Variants in SRL observed in about 807,000 individuals in gnomAD.
The protein encoded by SRL is sarcalumenin.
In SRL, 23 loss-of-function variants were observed where a neutral mutation model predicts 39.5. That is an observed-to-expected ratio of 0.58 (90% CI 0.42 to 0.82). The LOEUF (loss-of-function observed/expected upper bound fraction) is 0.82. Among genes scored for constraint, SRL ranks in the 40% least tolerant of loss-of-function variants. The probability of loss-of-function intolerance (pLI) is 0.00; values close to 1 mark genes in which losing one functional copy is unlikely to be tolerated. For missense variants in SRL, 592 were observed against 607.8 expected (o/e 0.97, Z 0.27); for synonymous variants, 272 against 237.4 (o/e 1.15, Z -1.34).
chr16:4,231,446 G>A (rs1399715197), intron 1 of SRL, among the ~76,000 whole-genome samples: 1 of 152,148 alleles, frequency 6.6e-6, no homozygotes, highest in African/African-American at 2.4e-5. Context: ...ATTTAACACT[G>A]AGCCAATCGT....
intron 1 of SRL, among the ~76,000 whole-genome samples, chr16:4,239,922 T>C (rs548348374): frequency 1.5e-4 from 22 of 151,138 alleles, no homozygotes; most frequent in African/African-American, 4.9e-4. Flanking sequence ...CAGCAGCAGG[T>C]CGGGAGGTGG....
chr16:4,192,746 C>A lies in SRL; in HGVS notation c.829G>T (p.Ala277Ser). The A allele has an allele frequency of 6.2e-7, 1 of 1,614,088 alleles. No individual in the cohort carries two copies. The highest frequency in any genetic ancestry group is 8.5e-7 in the Non-Finnish European group (1 of 1,180,014). ...RVYGALFWSL[A>S]PLINVTEPPR... ...GGCTCTGTGACATTGATGAGAGGGG[C>A]CAAGCTCCAGAAGAGGGCCCCGTAA... Residue 277 changes from alanine (A) to serine (S), a missense_variant, in exon 6 of 6, where the codon GCC (alanine) becomes TCC (serine). Transcript: ENST00000399609. This position sits in a 1 kb window ranked among gnomAD's most constrained non-coding sequence, Gnocchi z 4.0.
chr16:4,192,063 T>A lies in SRL; in HGVS notation c.*90A>T. On this transcript the variant is annotated 3_prime_UTR_variant, in exon 6 of 6. Coordinates refer to ENST00000399609, the MANE Select transcript of SRL (RefSeq NM_001098814.2). This position sits in a 1 kb window ranked among gnomAD's most constrained non-coding sequence, Gnocchi z 4.0. The stretch of plus-strand genomic sequence containing the variant: ...TCCACTGTGTAATAATTCCTGCCAG[T>A]GTGGCTCAAAGGGTTAATAAACCAG... The A allele has an allele frequency of 7.3e-7, 1 of 1,361,560 alleles. No individual in the cohort carries two copies. The allele number at this position is 1,361,560 out of a possible 1,614,324, so 84.3% of individuals were successfully genotyped here.
intron 1 of SRL, among the ~76,000 whole-genome samples, chr16:4,211,142 T>A (rs2052387012): frequency 6.6e-6 from 1 of 151,200 alleles, no homozygotes; most frequent in Admixed American, 6.6e-5. Context: ...TAATCCAGGG[T>A]ATAGCACCAG....
chr16:4,240,472 G>A (rs1252234760), intron 1 of SRL, among the ~76,000 whole-genome samples: 1 of 152,128 alleles, frequency 6.6e-6, no homozygotes, highest in Non-Finnish European at 1.5e-5. Context: ...CAGCCCAAGT[G>A]CTGAGCAGGA....
rs1476961977 is a variant in SRL, at chr16:4,192,821, T to C, written c.754A>G (p.Ile252Val). 2 of 1,614,166 alleles carry C rather than the reference T, an allele frequency of 1.2e-6. No homozygotes were observed. Residue 252 changes from isoleucine (I) to valine (V), a missense_variant, in exon 6 of 6, where the codon ATC (isoleucine) becomes GTC (valine). Transcript: ENST00000399609. The surrounding 1 kb of genome is among the most constrained non-coding windows in gnomAD (Gnocchi z 4.0). ...QLKGRESQIR[I>V]ILNKADNLAT... Reference sequence around the variant, plus strand: ...AGATTGTCAGCCTTGTTCAGGATGATCCTTATCTGGGATTCACGCCCCTTC... The same window carrying C: ...AGATTGTCAGCCTTGTTCAGGATGACCCTTATCTGGGATTCACGCCCCTTC...
intron 1 of SRL, chr16:4,207,331 C>G (rs1597276958): frequency 2.2e-6 from 1 of 456,832 alleles, no homozygotes; most frequent in African/African-American, 2.0e-5. Flanking sequence ...CCCCCAGGCT[C>G]TGCACTGGCC....
intron 4 of SRL, 92 bp from the exon 5 acceptor site, chr16:4,195,878 G>C: frequency 9.3e-7 from 1 of 1,076,094 alleles, no homozygotes; most frequent in Non-Finnish European, 1.3e-6. Flanking sequence ...GTCACAGGGA[G>C]ACTTTTGCAA....
intron 1 of SRL, among the ~76,000 whole-genome samples, chr16:4,230,474 G>A (rs1006858662): frequency 8.0e-5 from 12 of 150,888 alleles, no homozygotes; most frequent in Non-Finnish European, 1.6e-4. Flanking sequence ...TCCACCTCCC[G>A]GGTTCAAGCG....
chr16:4,202,710 T>G (rs960106329), intron 3 of SRL, among the ~76,000 whole-genome samples: 1 of 152,110 alleles, frequency 6.6e-6, no homozygotes, highest in Non-Finnish European at 1.5e-5. Context: ...AAAATCAATT[T>G]TGTAAAGAAT....
intron 4 of SRL, among the ~76,000 whole-genome samples, chr16:4,196,923 G>A (rs1457879225): frequency 6.6e-6 from 1 of 152,104 alleles, no homozygotes; most frequent in Non-Finnish European, 1.5e-5. Context: ...ATTTATGTAT[G>A]AACAGACCAC....
intron 5 of SRL, 22 bp downstream of exon 5, chr16:4,195,531 T>C (rs2052124920): frequency 6.2e-7 from 1 of 1,611,684 alleles, no homozygotes; most frequent in African/African-American, 1.3e-5. Flanking sequence ...CTTACACTGT[T>C]CAGAAATGAG....
intron 3 of SRL, 40 bp from the exon 4 acceptor site, chr16:4,197,955 A>G: frequency 7.2e-7 from 1 of 1,387,398 alleles, no homozygotes; most frequent in Non-Finnish European, 1.0e-6. Context: ...AAAACTAACA[A>G]AAGTTCACAC....
At chr16:4,205,140 T>C (rs148830017) in intron 1 of SRL, among the ~76,000 whole-genome samples, 9 of 151,920 alleles carry the variant, frequency 5.9e-5, no homozygotes, top group East Asian at 1.9e-4. Context: ...CTAGGCAACA[T>C]AGCAAGACCC....
At chr16:4,207,029 C>G (rs9932288) in intron 1 of SRL, 1 of 453,292 alleles carries the variant, frequency 2.2e-6, no homozygotes, top group Non-Finnish European at 4.4e-6. Flanking sequence ...CCCCGCCTTC[C>G]TGGGACTCCT....
chr16:4,204,419 G>C (rs763826794), intron 2 of SRL, 114 bp downstream of exon 2: 1 of 943,930 alleles, frequency 1.1e-6, no homozygotes, highest in Non-Finnish European at 1.7e-6. Context: ...ATACAGCCCC[G>C]GCCTCCAAGA....
intron 1 of SRL, among the ~76,000 whole-genome samples, chr16:4,240,014 G>A (rs549440832): frequency 1.4e-4 from 22 of 152,190 alleles, no homozygotes; most frequent in Non-Finnish European, 2.4e-4. Context: ...ACAGAGGGGC[G>A]CTTGTCTCCT....
At chr16:4,228,543 G>A (rs536408886) in intron 1 of SRL, among the ~76,000 whole-genome samples, 1 of 151,866 alleles carries the variant, frequency 6.6e-6, no homozygotes, top group Non-Finnish European at 1.5e-5. Flanking sequence ...AGACCATCCT[G>A]GCTAACACGG....
intron 5 of SRL, 42 bp downstream of exon 5, chr16:4,195,511 T>C (rs2052124241): frequency 1.3e-6 from 2 of 1,587,604 alleles, no homozygotes; most frequent in Non-Finnish European, 1.7e-6. Flanking sequence ...AATAATTTTT[T>C]GAAACAGAGC....
Sources: gnomAD v4.1 joint callset for allele counts (sites outside exome capture counted in the v4.1 genomes callset) on GRCh38, gnomAD v4.1.1 for gene constraint, Gnocchi (gnomAD v3.1) non-coding constraint, MANE v1.5 for transcripts, NCBI Gene and HGNC (gene_info 2026-07-23, HGNC 2026-07-21) for gene names.